The following CIITA variants were observed in gnomAD, a reference collection of about 807,000 sequenced individuals.
The protein encoded by CIITA is MHC class II transactivator.
A neutral mutation model predicts 115.1 loss-of-function variants in CIITA; 72 were observed. The ratio of observed to expected loss-of-function variants is 0.63; its 90% CI spans 0.52 to 0.76. CIITA has a LOEUF of 0.76. Ranked by LOEUF, CIITA falls within the 30% of genes least tolerant of loss-of-function variation. CIITA has a pLI of 0.00. For synonymous variants in CIITA, 763 were observed against 635.6 expected, an observed-to-expected ratio of 1.20 and a Z score of -3.02; for missense variants, 1,617 against 1,463.8, an observed-to-expected ratio of 1.10 and a Z score of -1.71.
rs140106499 is a variant in CIITA at position 10,898,950 on chromosome 16, C to G, written c.384C>G (p.Ile128Met). ...AGCACATAGGACCAGATGAAGTGAT[C>G]GGTGAGAGTATGGAGATGCCAGCAG... ...IFKHIGPDEV[I>M]GESMEMPAEV... is the part of the protein sequence containing the mutation. The change falls in exon 5 of 20, where the codon ATC becomes ATG. Residue 128 changes from isoleucine to methionine, a missense_variant. Coordinates refer to ENST00000324288, the MANE Select transcript of CIITA (RefSeq NM_000246.4). The G allele has an allele frequency of 1.9e-6, 3 of 1,613,906 alleles. No homozygotes were observed. The highest frequency in any genetic ancestry group is 2.2e-5 in the South Asian group (2 of 91,074).
At chr16:10,917,023 T>C in intron 15 of CIITA, 1 of 231,806 alleles carries the variant, frequency 4.3e-6, no homozygotes, top group East Asian at 6.3e-5. Context: ...ATGAAAATAA[T>C]GTTTGGTGAC....
chr16:10,892,192 C>T (rs778229327), intron 1 of CIITA, among the ~76,000 whole-genome samples: 2 of 151,968 alleles, frequency 1.3e-5, no homozygotes, highest in Non-Finnish European at 2.9e-5. Flanking sequence ...GGCATGGTGG[C>T]GGGTGCCTGT....
Position 10,942,731 on chromosome 16 carries a change from G to A in CIITA, n.1857G>A, listed in dbSNP as rs2041130455. ...GTTCAAACCTAGACATAATGCTAAG[G>A]CCGCAAAAGCCGAAGGAAACCCGGG... On this transcript the variant is annotated non_coding_transcript_exon_variant, in exon 2 of 2. Coordinates refer to the CIITA transcript ENST00000573379. This position sits in a 1 kb window ranked among gnomAD's most constrained non-coding sequence, Gnocchi z 5.0. 1 of 152,292 alleles carries A rather than the reference G, an allele frequency of 6.6e-6. No individual in the cohort carries two copies. Among genetic ancestry groups the A allele is most frequent in the Non-Finnish European group, 1.5e-5 (1 of 68,076 alleles). The allele number at this position is 152,292 out of a possible 1,614,324, so 9.4% of individuals were successfully genotyped here.
At chr16:10,903,998 C>A in intron 9 of CIITA, 103 bp downstream of exon 9, 1 of 1,494,938 alleles carries the variant, frequency 6.7e-7, no homozygotes, top group South Asian at 1.1e-5. Context: ...CCTGTAGGGA[C>A]AACAGGTCAT....
Position 10,929,424 on chromosome 16 carries a change from G to A in CIITA, c.*5569G>A, listed in dbSNP as rs921222097. The stretch of plus-strand genomic sequence containing the variant: ...GACACTGCAGGCAGATGAGGTCTTG[G>A]GATGCCTCTTGCGTTCCCCCTTCTG... On this transcript the variant is annotated 3_prime_UTR_variant, in exon 20 of 20. Coordinates refer to ENST00000324288, the MANE Select transcript of CIITA (RefSeq NM_000246.4). This position sits in a 1 kb window ranked among gnomAD's most constrained non-coding sequence, Gnocchi z 4.3. 8.1e-6 allele frequency: 8 copies of A among 985,854 alleles called. No individual in the cohort carries two copies. In the African/African-American group the frequency reaches 1.2e-4, roughly 15 times the overall value. The allele number at this position is 985,854 out of a possible 1,614,324, so 61.1% of individuals were successfully genotyped here.
rs531641245 is a variant in CIITA at position 10,899,908 on chromosome 16, C to T, written c.436+906C>T. 1.3e-3 allele frequency among the ~76,000 whole-genome samples: 192 copies of T among 152,236 alleles called. 1 individual carries two copies. The highest frequency in any genetic ancestry group is 8.9e-3 in the South Asian group (43 of 4,818). On this transcript the variant is annotated intron_variant, in intron 5 of 19. Coordinates refer to ENST00000324288, the MANE Select transcript of CIITA (RefSeq NM_000246.4). Reference sequence around the variant, plus strand: ...CTGCCTGGCCAACATGGTGAAACCGCGTCTCTACCAAAAAATACAAAAATT... The same window carrying T: ...CTGCCTGGCCAACATGGTGAAACCGTGTCTCTACCAAAAAATACAAAAATT...
intron 1 of CIITA, among the ~76,000 whole-genome samples, chr16:10,869,601 TC>T (rs1360367881): frequency 6.6e-6 from 1 of 151,972 alleles, no homozygotes; most frequent in Non-Finnish European, 1.5e-5. Flanking sequence ...CACTGCAACT[TC>T]CATCTCCCAG....
chr16:10,894,020 T>A (rs1423091667), intron 1 of CIITA, among the ~76,000 whole-genome samples: 1 of 151,010 alleles, frequency 6.6e-6, no homozygotes, highest in Non-Finnish European at 1.5e-5. Flanking sequence ...CTTTCTTTCT[T>A]AAAAAAAAAT....
intron 9 of CIITA, among the ~76,000 whole-genome samples, chr16:10,904,104 C>A (rs139658817): frequency 6.6e-6 from 1 of 152,238 alleles, no homozygotes; most frequent in African/African-American, 2.4e-5. Context: ...CATCCAAATA[C>A]AGCCATCAGC....
In CIITA at chr16:10,923,139, G is replaced by A. The variant is rs2040365033; in HGVS notation, c.3318-89G>A. On this transcript the variant is annotated intron_variant, in intron 18 of 19. Coordinates refer to ENST00000324288, the MANE Select transcript of CIITA (RefSeq NM_000246.4). The surrounding 1 kb of genome is among the most constrained non-coding windows in gnomAD (Gnocchi z 5.2). ...AAGTCCCCAACGTTCTAGGCTGGGT[G>A]GAAGGAGGGATTTGGGGGCAGCTGT... 9.2e-7 allele frequency: 1 copy of A among 1,084,906 alleles called. No individual in the cohort carries two copies. The highest frequency in any genetic ancestry group is 1.2e-5 in the South Asian group (1 of 80,820). The allele number at this position is 1,084,906 out of a possible 1,614,324, so 67.2% of individuals were successfully genotyped here.
upstream of CIITA, among the ~76,000 whole-genome samples, chr16:10,873,160 A>G (rs1305529046): frequency 6.6e-6 from 1 of 152,008 alleles, no homozygotes; most frequent in African/African-American, 2.4e-5. Flanking sequence ...TGTGGTAGAG[A>G]TGAGGTCTCG....
intron 1 of CIITA, among the ~76,000 whole-genome samples, chr16:10,880,699 G>T (rs1335772164): frequency 6.6e-6 from 1 of 152,186 alleles, no homozygotes; most frequent in South Asian, 2.1e-4. Flanking sequence ...ACCTTGAGAA[G>T]AGCAGAATCA....
At chr16:10,902,391 C>A (rs1328837778) in intron 7 of CIITA, among the ~76,000 whole-genome samples, 1 of 152,168 alleles carries the variant, frequency 6.6e-6, no homozygotes, top group Non-Finnish European at 1.5e-5. Flanking sequence ...GGAAACACAT[C>A]CGTGCGAGCA....
Position 10,906,989 on chromosome 16 carries a change from C to T in CIITA, c.1497C>T (p.Asp499=), listed in dbSNP as rs772143212. Residue 499 remains aspartate (D), a synonymous_variant, in exon 11 of 20, where the codon GAC becomes GAT. Coordinates refer to ENST00000324288, the MANE Select transcript of CIITA (RefSeq NM_000246.4). Reference sequence around the variant, plus strand: ...CTGACCGCGTTCTGCTCATCCTAGACGGCTTCGAGGAGCTGGAAGCGCAAG... The same window carrying T: ...CTGACCGCGTTCTGCTCATCCTAGATGGCTTCGAGGAGCTGGAAGCGCAAG... ...KRPDRVLLIL[D]GFEELEAQDG... is the part of the protein sequence containing the mutation. 1.2e-5 allele frequency: 20 copies of T among 1,611,370 alleles called. No individual in the cohort carries two copies. The highest frequency in any genetic ancestry group is 5.3e-5 in the African/African-American group (4 of 74,914).
chr16:10,890,034 G>C (rs2037391070), intron 1 of CIITA, among the ~76,000 whole-genome samples: 1 of 152,200 alleles, frequency 6.6e-6, no homozygotes, highest in South Asian at 2.1e-4. Flanking sequence ...GGAGGCAGAA[G>C]TCCACTGTGA....
chr16:10,907,633 A>T lies in CIITA; in HGVS notation c.2141A>T (p.Gln714Leu). The T allele has an allele frequency of 6.2e-7, 1 of 1,614,194 alleles. No individual in the cohort carries two copies. Among genetic ancestry groups the T allele is most frequent in the South Asian group, 1.1e-5 (1 of 91,084 alleles). ...CTGGCCTTCCCCAGCTTCCTCCTGC[A>T]ATGCTTCCTGGGGGCCCTGTGGCTG... ...SELAFPSFLLQCFLGALWLAL... is the reference protein window; with the variant it reads ...SELAFPSFLLLCFLGALWLAL... The change falls in exon 11 of 20, where the codon CAA becomes CTA. Residue 714 changes from glutamine to leucine, a missense_variant. Coordinates refer to ENST00000324288, the MANE Select transcript of CIITA (RefSeq NM_000246.4). The surrounding 1 kb of genome is among the most constrained non-coding windows in gnomAD (Gnocchi z 5.0).
intron 9 of CIITA, 84 bp downstream of exon 9, chr16:10,903,979 G>T (rs2038961924): frequency 6.3e-7 from 1 of 1,579,986 alleles, no homozygotes. Flanking sequence ...AGATCCACAA[G>T]CAAAGCTGCC....
chr16:10,895,569 G>C, intron 2 of CIITA, 100 bp from the exon 3 acceptor site: 1 of 1,561,564 alleles, frequency 6.4e-7, no homozygotes, highest in Non-Finnish European at 8.8e-7. Flanking sequence ...GCTCTCTGCA[G>C]ATGGGGATGA....
rs1375698668 is a variant in CIITA at position 10,895,457 on chromosome 16, G to A, written c.199+29G>A. The A allele has an allele frequency of 3.7e-6, 6 of 1,611,316 alleles. No individual in the cohort carries two copies. In the African/African-American group the frequency reaches 6.7e-5, roughly 18 times the overall value. On this transcript the variant is annotated intron_variant, in intron 2 of 19. Transcript: ENST00000324288. ...GGCCCTCCTCCCTCTGGTCTCTTCCGGTATCCCCCACCCCTCAGCTTGCTG... is the reference window on the plus strand; with the variant it reads ...GGCCCTCCTCCCTCTGGTCTCTTCCAGTATCCCCCACCCCTCAGCTTGCTG...
Sources: gnomAD v4.1 joint callset for allele counts (sites outside exome capture counted in the v4.1 genomes callset) on GRCh38, gnomAD v4.1.1 for gene constraint, Gnocchi (gnomAD v3.1) non-coding constraint, MANE v1.5 for transcripts, NCBI Gene and HGNC (gene_info 2026-07-23, HGNC 2026-07-21) for gene names.